GABRA3: variants seen among roughly 807,000 people sequenced by gnomAD.
GABRA3 encodes gamma-aminobutyric acid type A receptor subunit alpha3.
A neutral mutation model predicts 30.1 loss-of-function variants in GABRA3; 10 were observed. The observed-to-expected ratio is 0.33, with a 90% CI of 0.20 to 0.56. The LOEUF (loss-of-function observed/expected upper bound fraction) is 0.56, where lower values mean the gene tolerates loss of function less well. Among genes scored for constraint, GABRA3 ranks in the 20% least tolerant of loss-of-function variants. The pLI, the probability that GABRA3 is intolerant of heterozygous loss-of-function variation, is 0.89. For missense variants in GABRA3, 233 were observed against 392.0 expected (o/e 0.59, Z 3.42); for synonymous variants, 151 against 146.8 (o/e 1.03, Z -0.21).
chrX:152,438,691 T>C (rs1338107582), intron 1 of GABRA3, among the ~76,000 whole-genome samples: 3 of 111,951 alleles, frequency 2.7e-5, no homozygotes, highest in African/African-American at 9.8e-5. Context: ...AAATCTTAAA[T>C]ACATATTGTC....
At chrX:152,266,346 C>T (rs187457480) in intron 4 of GABRA3, among the ~76,000 whole-genome samples, 1 of 111,575 alleles carries the variant, frequency 9.0e-6, no homozygotes, top group East Asian at 2.8e-4. Flanking sequence ...TCAGTCAATG[C>T]GATACAGCAT....
chrX:152,439,538 T>C (rs867559103), intron 1 of GABRA3, among the ~76,000 whole-genome samples: 8 of 111,697 alleles, frequency 7.2e-5, no homozygotes, highest in Middle Eastern at 4.6e-3. Context: ...CTTTGGAGAA[T>C]AGCTTGACAA....
chrX:152,215,186 C>A (rs1305360901), intron 6 of GABRA3, among the ~76,000 whole-genome samples: 2 of 108,822 alleles, frequency 1.8e-5, no homozygotes, highest in African/African-American at 3.3e-5. Context: ...GGACTTCTCA[C>A]CACTAGTTGT....
chrX:152,435,348 A>G (rs1739846001), intron 1 of GABRA3, among the ~76,000 whole-genome samples: 2 of 111,769 alleles, frequency 1.8e-5, no homozygotes, highest in African/African-American at 6.5e-5. Context: ...ACCAACCCAA[A>G]TGCCCAGCAG....
intron 4 of GABRA3, among the ~76,000 whole-genome samples, chrX:152,261,931 C>A (rs1325023447): frequency 8.9e-6 from 1 of 112,714 alleles, no homozygotes; most frequent in Non-Finnish European, 1.9e-5. Flanking sequence ...AAACTTTTGC[C>A]TGGACATCCA....
At chrX:152,319,263 T>G (rs993729356) in intron 3 of GABRA3, among the ~76,000 whole-genome samples, 14 of 111,695 alleles carry the variant, frequency 1.3e-4, no homozygotes, top group Non-Finnish European at 3.8e-5. Context: ...AGAGCCCACA[T>G]AGCCAAAGCA....
intron 5 of GABRA3, among the ~76,000 whole-genome samples, chrX:152,237,238 T>C (rs1284702696): frequency 9.0e-6 from 1 of 111,037 alleles, no homozygotes; most frequent in African/African-American, 3.3e-5. Context: ...CCCAGCACCA[T>C]TTATTAAATA....
At position 152,345,685 on chromosome X, in the gene GABRA3, G is replaced by C; in HGVS notation, c.158C>G (p.Ala53Gly). Residue 53 changes from alanine to glycine, a missense_variant, in exon 3 of 10, where the codon GCC becomes GGC. By Grantham distance (60) the Ala-to-Gly change is moderately conservative. Around this residue, in one of 6 missense-constraint regions of GABRA3, gnomAD observed 69 missense variants for 79.4 expected, o/e 0.87. Coordinates refer to ENST00000370314, the MANE Select transcript of GABRA3 (RefSeq NM_000808.4). ...QDIGGLSPKHAPDIPDDSTDN... is the reference protein window; with the variant it reads ...QDIGGLSPKHGPDIPDDSTDN... ...AGTGCTGTCATCAGGAATATCTGGG[G>C]CATGCTTAGGAGACAGCCTGAGGCA... 1 of 1,197,703 alleles carries C rather than the reference G, an allele frequency of 8.3e-7. No homozygotes were observed. Among genetic ancestry groups the C allele is most frequent in the East Asian group, 3.0e-5 (1 of 33,559 alleles).
chrX:152,334,889 A>G (rs1021222043), intron 3 of GABRA3, among the ~76,000 whole-genome samples: 57 of 111,082 alleles, frequency 5.1e-4, no homozygotes, highest in African/African-American at 1.9e-3. Flanking sequence ...CAGAAACTCT[A>G]TTCTAGATGT....
At position 152,359,291 on chromosome X, in the gene GABRA3, C is replaced by T. The variant is rs754600899; in HGVS notation, c.140+5140G>A. Among the ~76,000 whole-genome samples the T allele has an allele frequency of 8.1e-5, 9 of 110,551 alleles. No individual in the cohort carries two copies. The South Asian group carries it at 1.6e-3, about 19-fold the overall frequency. Reference sequence around the variant, plus strand: ...TCTTCCTGGTTCAGTCTTAGGAAGTCGCAAGTTTCAAGGAATTTATCCATT... The same window carrying T: ...TCTTCCTGGTTCAGTCTTAGGAAGTTGCAAGTTTCAAGGAATTTATCCATT... On this transcript the variant is annotated intron_variant, in intron 2 of 9. Coordinates refer to ENST00000370314, the MANE Select transcript of GABRA3 (RefSeq NM_000808.4).
At chrX:152,436,481 T>C (rs1198183701) in intron 1 of GABRA3, among the ~76,000 whole-genome samples, 1 of 111,443 alleles carries the variant, frequency 9.0e-6, no homozygotes, top group East Asian at 2.8e-4. Context: ...ATTGCCCCAG[T>C]TGGGAACCAC....
At chrX:152,191,890 T>C (rs1937329592) in intron 8 of GABRA3, among the ~76,000 whole-genome samples, 1 of 111,804 alleles carries the variant, frequency 8.9e-6, no homozygotes, top group African/African-American at 3.3e-5. Flanking sequence ...CTAATACTTA[T>C]TAACAAACTC....
intron 1 of GABRA3, among the ~76,000 whole-genome samples, chrX:152,423,200 G>A (rs1311878475): frequency 8.9e-6 from 1 of 112,009 alleles, no homozygotes; most frequent in Non-Finnish European, 1.9e-5. Flanking sequence ...GATAGGTGTT[G>A]CCTCCTCACA....
chrX:152,427,685 G>C (rs1930545786), intron 1 of GABRA3, among the ~76,000 whole-genome samples: 1 of 111,858 alleles, frequency 8.9e-6, no homozygotes. Context: ...GTCTATCTGA[G>C]TCACCATTAT....
At chrX:152,425,681 T>C (rs1930499367) in intron 1 of GABRA3, among the ~76,000 whole-genome samples, 1 of 111,027 alleles carries the variant, frequency 9.0e-6, no homozygotes, top group African/African-American at 3.3e-5. Context: ...TGTGATGTGA[T>C]GTTTGATCAG....
intron 1 of GABRA3, among the ~76,000 whole-genome samples, chrX:152,441,437 T>C (rs1930929577): frequency 8.9e-6 from 1 of 111,920 alleles, no homozygotes; most frequent in Non-Finnish European, 1.9e-5. Context: ...ACAGATTCAA[T>C]ATAATTTCAA....
intron 3 of GABRA3, among the ~76,000 whole-genome samples, chrX:152,304,282 T>C (rs1178495329): frequency 8.9e-6 from 1 of 112,464 alleles, no homozygotes; most frequent in Non-Finnish European, 1.9e-5. Flanking sequence ...TTTTTTCTTC[T>C]GTGCAGAAGT....
intron 3 of GABRA3, among the ~76,000 whole-genome samples, chrX:152,291,683 T>C (rs1191521556): frequency 9.0e-6 from 1 of 111,464 alleles, no homozygotes; most frequent in Non-Finnish European, 1.9e-5. Context: ...TGAGATACGT[T>C]CCATCAATAC....
At chrX:152,370,573 A>C (rs1247225417) in intron 1 of GABRA3, among the ~76,000 whole-genome samples, 1 of 112,279 alleles carries the variant, frequency 8.9e-6, no homozygotes, top group African/African-American at 3.2e-5. Flanking sequence ...TGGATTAATT[A>C]ATCCATTGTT....
Sources: allele counts gnomAD v4.1 joint callset (sites outside exome capture counted in the v4.1 genomes callset), GRCh38; gene constraint gnomAD v4.1.1; regional missense constraint gnomAD v4.1.1; transcripts MANE v1.5; gene names NCBI Gene and HGNC (gene_info 2026-07-23, HGNC 2026-07-21).